Variants in WASHC4 observed in about 807,000 individuals in gnomAD.
WASHC4 encodes the protein WASH complex subunit 7.
In WASHC4, 86 loss-of-function variants were observed where a neutral mutation model predicts 166.6. The observed-to-expected ratio is 0.52, with a 90% confidence interval of 0.43 to 0.62. WASHC4 has a LOEUF of 0.62. Among genes scored for constraint, WASHC4 ranks in the 20% least tolerant of loss-of-function variants. The pLI, the probability that WASHC4 is intolerant of heterozygous loss-of-function variation, is 0.00. For synonymous variants in WASHC4, 446 were observed against 451.6 expected (o/e 0.99, Z 0.16); for missense variants, 1,262 against 1,382.4 (o/e 0.91, Z 1.38).
At chr12:105,118,839 C>T (rs1161005824) in intron 7 of WASHC4, among the ~76,000 whole-genome samples, 5 of 152,104 alleles carry the variant, frequency 3.3e-5, no homozygotes, top group South Asian at 2.1e-4. Context: ...TTCCTCTACA[C>T]GAATGGTTGC....
intron 28 of WASHC4, among the ~76,000 whole-genome samples, chr12:105,159,387 CA>C (rs1307684373): frequency 6.6e-6 from 1 of 152,172 alleles, no homozygotes; most frequent in African/African-American, 2.4e-5. Flanking sequence ...AGAACTGGAG[CA>C]GGCATCCTAA....
rs3203827 is a variant in WASHC4, at chr12:105,167,320, C to G, written c.*389C>G. 0.014 allele frequency: 2,777 copies of G among 202,066 alleles called. 81 individuals carry two copies. Among genetic ancestry groups the G allele is most frequent in the African/African-American group, 0.061 (2,609 of 42,806 alleles). 12.5% of individuals were successfully genotyped at this position (202,066 alleles called of 1,614,324 possible). On this transcript the variant is annotated 3_prime_UTR_variant, in exon 33 of 33. Coordinates refer to ENST00000332180, the MANE Select transcript of WASHC4 (RefSeq NM_015275.3). Reference sequence around the variant, plus strand: ...AGTCATGGGAAATTCAATGCATATACTATATACAGCCAGTAAATACATGCT... The same window carrying G: ...AGTCATGGGAAATTCAATGCATATAGTATATACAGCCAGTAAATACATGCT...
At chr12:105,165,476 C>T (rs973844130) in intron 32 of WASHC4, among the ~76,000 whole-genome samples, 5 of 152,280 alleles carry the variant, frequency 3.3e-5, no homozygotes, top group Middle Eastern at 3.4e-3. Flanking sequence ...ATACATTTCT[C>T]ATTGCTTGGA....
chr12:105,140,199 A>C, intron 15 of WASHC4, 95 bp from the exon 16 acceptor site: 1 of 912,450 alleles, frequency 1.1e-6, no homozygotes, highest in South Asian at 1.3e-5. Context: ...CTCATTTACA[A>C]ATCCCTTCCC....
chr12:105,115,313 TTA>T, intron 5 of WASHC4, 84 bp downstream of exon 5: 1 of 863,538 alleles, frequency 1.2e-6, no homozygotes, highest in Admixed American at 1.8e-5. Context: ...ACTACTATGA[TTA>T]TATAATAGTG....
At position 105,126,087 on chromosome 12, in the gene WASHC4, T is replaced by C. The variant is rs773694019; in HGVS notation, c.870T>C (p.His290=). 1 of 1,613,066 alleles carries C rather than the reference T, an allele frequency of 6.2e-7. No individual in the cohort carries two copies. The change falls in exon 11 of 33, where the codon CAT becomes CAC. Residue 290 remains histidine, a synonymous_variant. Coordinates refer to ENST00000332180, the MANE Select transcript of WASHC4 (RefSeq NM_015275.3). ...KNSTFAEEFA[H]SIRSIFANVE... is the part of the protein sequence containing the mutation. Reference sequence around the variant, plus strand: ...GTACTTTTGCTGAGGAATTTGCACATAGTATTCGGTCAATTTTTGCAAATG... The same window carrying C: ...GTACTTTTGCTGAGGAATTTGCACACAGTATTCGGTCAATTTTTGCAAATG...
At chr12:105,159,971 A>G (rs1465115482) in intron 28 of WASHC4, 30 bp from the exon 29 acceptor site, 1 of 1,609,886 alleles carries the variant, frequency 6.2e-7, no homozygotes, top group Non-Finnish European at 8.5e-7. Flanking sequence ...TTCTTTTGAG[A>G]AAGGAACCAA....
At chr12:105,149,328 A>G in intron 24 of WASHC4, 1 of 1,009,456 alleles carries the variant, frequency 9.9e-7, no homozygotes, top group Non-Finnish European at 1.2e-6. Context: ...TGGTTTTGTG[A>G]TTCTCACTAC....
chr12:105,159,912 A>G, intron 28 of WASHC4, 89 bp from the exon 29 acceptor site: 2 of 1,188,960 alleles, frequency 1.7e-6, no homozygotes, highest in Non-Finnish European at 2.5e-6. Context: ...CTGCTTTTCA[A>G]GTGTTCTTAT....
At chr12:105,125,613 A>G (rs1033818278) in intron 10 of WASHC4, among the ~76,000 whole-genome samples, 2 of 152,150 alleles carry the variant, frequency 1.3e-5, no homozygotes, top group South Asian at 4.1e-4. Context: ...TCCAGGAGAC[A>G]TTTCTATACA....
intron 12 of WASHC4, among the ~76,000 whole-genome samples, 189 bp from the exon 13 acceptor site, chr12:105,126,940 C>T (rs945711647): frequency 6.6e-6 from 1 of 152,028 alleles, no homozygotes; most frequent in Non-Finnish European, 1.5e-5. Flanking sequence ...TCATGCTCAA[C>T]ACCAGATGTA....
intron 10 of WASHC4, among the ~76,000 whole-genome samples, chr12:105,125,215 C>T (rs1349580999): frequency 6.6e-6 from 1 of 151,926 alleles, no homozygotes; most frequent in African/African-American, 2.4e-5. Flanking sequence ...GAAGTGTGCA[C>T]GGGTCCACTT....
chr12:105,134,048 A>G (rs540392602), intron 14 of WASHC4, 152 bp downstream of exon 14: 2 of 671,642 alleles, frequency 3.0e-6, no homozygotes, highest in Non-Finnish European at 5.0e-6. Context: ...TTATTAATTT[A>G]AATTTTCTAA....
rs1037510262 is a variant in WASHC4 at position 105,141,205 on chromosome 12, A to G, written c.1746A>G (p.Val582=). 1.2e-6 allele frequency: 2 copies of G among 1,613,352 alleles called. No individual in the cohort carries two copies. The highest frequency in any genetic ancestry group is 2.7e-5 in the African/African-American group (2 of 74,916). ...ATGAAGAACTCTTTCCACTTCAAGT[A>G]GTCATGAAAAAACTGGATCTTATTA... ...FKDEELFPLQ[V]VMKKLDLISE... The change falls in exon 18 of 33, where the codon GTA becomes GTG. Residue 582 remains valine, a synonymous_variant. Transcript: ENST00000332180.
At chr12:105,122,366 AT>A in intron 10 of WASHC4, 128 bp downstream of exon 10, 1 of 953,236 alleles carries the variant, frequency 1.0e-6, no homozygotes, top group Non-Finnish European at 1.6e-6. Flanking sequence ...TTGGCTTAAA[AT>A]TATTGTTACA....
At chr12:105,139,035 CA>C (rs1315426798) in intron 15 of WASHC4, among the ~76,000 whole-genome samples, 1 of 152,016 alleles carries the variant, frequency 6.6e-6, no homozygotes, top group Non-Finnish European at 1.5e-5. Flanking sequence ...TTTAGCTTGC[CA>C]AATATGGATG....
intron 24 of WASHC4, 51 bp downstream of exon 24, chr12:105,147,197 T>C (rs1413792654): frequency 9.6e-7 from 1 of 1,036,446 alleles, no homozygotes; most frequent in Non-Finnish European, 1.5e-6. Context: ...GTTTAATAGC[T>C]TGGAACGTGG....
chr12:105,130,090 G>C (rs1881661576), intron 13 of WASHC4, among the ~76,000 whole-genome samples: 1 of 152,170 alleles, frequency 6.6e-6, no homozygotes, highest in Admixed American at 6.5e-5. Context: ...GATTAAACTT[G>C]CCCAAGTTTA....
chr12:105,125,801 AC>A (rs1476028770), intron 10 of WASHC4, among the ~76,000 whole-genome samples: 2 of 152,100 alleles, frequency 1.3e-5, no homozygotes, highest in African/African-American at 4.8e-5. Context: ...CATAACTAGT[AC>A]CCAAATATAT....
Sources: allele counts gnomAD v4.1 joint callset (sites outside exome capture counted in the v4.1 genomes callset), GRCh38; gene constraint gnomAD v4.1.1; transcripts MANE v1.5; gene names NCBI Gene and HGNC (gene_info 2026-07-23, HGNC 2026-07-21).